AP3M1: variants seen among roughly 807,000 people sequenced by gnomAD.
AP3M1 encodes AP-3 complex subunit mu-1.
Under a neutral mutation model 42.6 loss-of-function variants are expected in AP3M1, and 29 were observed. That is an observed-to-expected ratio of 0.68 (90% CI 0.51 to 0.93). The LOEUF (loss-of-function observed/expected upper bound fraction) is 0.93. Ranked by LOEUF, AP3M1 falls within the 40% of genes least tolerant of loss-of-function variation. The pLI is 0.00. For synonymous variants in AP3M1, 178 were observed against 175.3 expected (o/e 1.02, Z -0.12); for missense variants, 416 against 510.2 (o/e 0.82, Z 1.78).
At position 74,134,164 on chromosome 10, in the gene AP3M1, C is replaced by A. The variant is rs1381945010; in HGVS notation, c.446G>T (p.Gly149Val). 5 of 1,610,198 alleles carry A rather than the reference C, an allele frequency of 3.1e-6. No individual in the cohort carries two copies. The South Asian group carries it at 4.4e-5, about 14-fold the overall frequency. The change falls in exon 4 of 9, where the codon GGC becomes GTC. Residue 149 changes from glycine to valine, a missense_variant and splice_region_variant. Gly to Val is a moderately radical substitution (Grantham distance 109). Transcript: ENST00000355264. ...GAGTGTGTCCCCAACATTACTACTG[C>A]CTAGAAACCAAAAAAGGAGAAGGCA... Reference protein sequence around the residue: ...ILRSVVNSITGSSNVGDTLPT... With the variant: ...ILRSVVNSITVSSNVGDTLPT...
rs139251573 is a variant in AP3M1 at position 74,123,549 on chromosome 10, G to A, written c.*261C>T. 8.6e-4 allele frequency: 428 copies of A among 496,416 alleles called. 2 individuals are homozygous for A. The highest frequency in any genetic ancestry group is 7.7e-3 in the African/African-American group (392 of 51,200). The allele number at this position is 496,416 out of a possible 1,614,324, so 30.8% of individuals were successfully genotyped here. On this transcript the variant is annotated 3_prime_UTR_variant, in exon 9 of 9. Transcript: ENST00000355264. Reference sequence around the variant, plus strand: ...CTGTTACAATGTGCAGCCGCCAGATGGTATCCTCCTATGGAAAAAAATCAC... The same window carrying A: ...CTGTTACAATGTGCAGCCGCCAGATAGTATCCTCCTATGGAAAAAAATCAC...
At chr10:74,126,988 A>G (rs938305005) in intron 6 of AP3M1, among the ~76,000 whole-genome samples, 3 of 149,518 alleles carry the variant, frequency 2.0e-5, no homozygotes, top group African/African-American at 7.3e-5. Context: ...AAAAAAAAAA[A>G]AAAAAAAAAA....
chr10:74,137,181 G>A (rs1256536402), intron 2 of AP3M1, among the ~76,000 whole-genome samples: 2 of 151,958 alleles, frequency 1.3e-5, no homozygotes, highest in African/African-American at 2.4e-5. Context: ...CGGAGGTTGC[G>A]GTGAGCCAAG....
chr10:74,140,644 T>A (rs1008120742), intron 1 of AP3M1, among the ~76,000 whole-genome samples: 1 of 151,538 alleles, frequency 6.6e-6, no homozygotes, highest in Non-Finnish European at 1.5e-5. Flanking sequence ...GGATAACTCG[T>A]GCTTCCTGAT....
chr10:74,125,595 A>C (rs1461123379), intron 7 of AP3M1, among the ~76,000 whole-genome samples: 2 of 152,240 alleles, frequency 1.3e-5, no homozygotes, highest in Non-Finnish European at 2.9e-5. Context: ...CTGCTATTGA[A>C]AACAATCATA....
At chr10:74,128,534 C>T (rs1236677988) in intron 6 of AP3M1, among the ~76,000 whole-genome samples, 3 of 152,046 alleles carry the variant, frequency 2.0e-5, no homozygotes. Context: ...CCACTGCACC[C>T]GGCCCCTCAA....
chr10:74,144,687 G>A (rs553357902), intron 1 of AP3M1, among the ~76,000 whole-genome samples: 1 of 150,054 alleles, frequency 6.7e-6, no homozygotes, highest in Non-Finnish European at 1.5e-5. Flanking sequence ...TTTTGAGACG[G>A]AGTCTTGCTC....
chr10:74,123,877 T>C lies in AP3M1; in HGVS notation c.1190A>G (p.Glu397Gly). 1 of 1,614,114 alleles carries C rather than the reference T, an allele frequency of 6.2e-7. No individual in the cohort carries two copies. The highest frequency in any genetic ancestry group is 8.5e-7 in the Non-Finnish European group (1 of 1,180,002). ...LKVNRLDMYGEKYKPFKGVKY... is the reference protein window; with the variant it reads ...LKVNRLDMYGGKYKPFKGVKY... ...GACTCCTTTAAATGGCTTATATTTC[T>C]CCCCATACATGTCCAAACGGTTTAC... The change falls in exon 9 of 9, where the codon GAG (glutamate) becomes GGG (glycine). Residue 397 changes from glutamate (E) to glycine (G), a missense_variant. Physicochemically the swap from Glu to Gly is moderately conservative, Grantham distance 98. Coordinates refer to ENST00000355264, the MANE Select transcript of AP3M1 (RefSeq NM_012095.6).
chr10:74,126,107 T>G (rs763515579), intron 7 of AP3M1, 41 bp downstream of exon 7: 3 of 1,598,962 alleles, frequency 1.9e-6, no homozygotes, highest in South Asian at 2.2e-5. Flanking sequence ...CAAAATAGAT[T>G]GCAGAAACAC....
Position 74,126,341 on chromosome 10 carries a change from G to A in AP3M1, c.818C>T (p.Pro273Leu), listed in dbSNP as rs1564543317. Reference protein sequence around the residue: ...RVSSQNLVAIPVYVKHSISFK... With the variant: ...RVSSQNLVAILVYVKHSISFK... ...GCTGATACTATGTTTCACATACACT[G>A]GTATTGCCACTAGACTAAAAAGAGA... Residue 273 changes from proline to leucine, a missense_variant, in exon 7 of 9, where the codon CCA becomes CTA. Pro to Leu is a moderately conservative substitution (Grantham distance 98). Transcript: ENST00000355264. 1 of 1,613,658 alleles carries A rather than the reference G, an allele frequency of 6.2e-7. No individual in the cohort carries two copies. The highest frequency in any genetic ancestry group is 8.5e-7 in the Non-Finnish European group (1 of 1,179,668).
In AP3M1 at chr10:74,138,236, G is replaced by A. The variant is rs1324628930; in HGVS notation, c.144C>T (p.Val48=). 1.2e-6 allele frequency: 2 copies of A among 1,614,148 alleles called. No individual in the cohort carries two copies. Among genetic ancestry groups the A allele is most frequent in the African/African-American group, 2.7e-5 (2 of 75,046 alleles). The change falls in exon 2 of 9, where the codon GTC becomes GTT. Residue 48 remains valine, a synonymous_variant. Coordinates refer to ENST00000355264, the MANE Select transcript of AP3M1 (RefSeq NM_012095.6). The part of the protein sequence containing the change: ...KAADVENVPP[V]ISTPHHYLIS... ...TGAGGTAGTGGTGAGGTGTTGAAAT[G>A]ACAGGTGGTACATTTTCAACATCAG...
intron 7 of AP3M1, among the ~76,000 whole-genome samples, chr10:74,124,926 T>A (rs981694740): frequency 6.6e-6 from 1 of 152,318 alleles, no homozygotes; most frequent in Non-Finnish European, 1.5e-5. Context: ...CCTAAGGCCC[T>A]CTGATTTCAA....
intron 4 of AP3M1, 36 bp downstream of exon 4, chr10:74,133,990 TG>T: frequency 6.2e-7 from 1 of 1,609,102 alleles, no homozygotes. Flanking sequence ...TCAGATGAAT[TG>T]TTTTTCCCCA....
chr10:74,147,030 C>T (rs1447580010), intron 1 of AP3M1, among the ~76,000 whole-genome samples: 1 of 152,158 alleles, frequency 6.6e-6, no homozygotes, highest in African/African-American at 2.4e-5. Context: ...CACCTATAAT[C>T]CCAGCACTTT....
intron 2 of AP3M1, among the ~76,000 whole-genome samples, chr10:74,137,571 G>T (rs1255640814): frequency 6.6e-6 from 1 of 152,196 alleles, no homozygotes; most frequent in African/African-American, 2.4e-5. Flanking sequence ...GTTTCCTGAT[G>T]ATATACAGTC....
rs199607460 is a variant in AP3M1 at position 74,129,952 on chromosome 10, A to C, written c.624T>G (p.Ala208=). ...CAGGCATTCCAGATAGTTTAATGCA[A>C]GCATCAATGACCCCCTGAATTTCTG... The part of the protein sequence containing the change: ...VFAEIQGVID[A]CIKLSGMPDL... Residue 208 remains alanine (A), a synonymous_variant, in exon 5 of 9, where the codon GCT becomes GCG. Transcript: ENST00000355264. 5 of 1,613,690 alleles carry C rather than the reference A, an allele frequency of 3.1e-6. No homozygotes were observed. Among genetic ancestry groups the C allele is most frequent in the Non-Finnish European group, 4.2e-6 (5 of 1,179,878 alleles).
rs746377295 is a variant in AP3M1, at chr10:74,129,113, T to C, written c.798A>G (p.Ser266=). The C allele has an allele frequency of 3.7e-5, 59 of 1,613,862 alleles. No individual in the cohort carries two copies. In the East Asian group the frequency reaches 1.1e-3, roughly 29 times the overall value. The change falls in exon 6 of 9, where the codon TCA becomes TCG. Residue 266 remains serine, a synonymous_variant. Coordinates refer to ENST00000355264, the MANE Select transcript of AP3M1 (RefSeq NM_012095.6). The part of the protein sequence containing the change: ...NFRLISYRVS[S]QNLVAIPVYV... The stretch of plus-strand genomic sequence containing the variant: ...TGGCTGATGCATCAACATACTTTTG[T>C]GAGCTGACACGGTATGATATGAGTC...
rs1270038647 is a variant in AP3M1, at chr10:74,126,157, T to C, written c.1002A>G (p.Pro334=). The C allele has an allele frequency of 6.2e-7, 1 of 1,614,222 alleles. No homozygotes were observed. The highest frequency in any genetic ancestry group is 2.2e-5 in the East Asian group (1 of 44,890). ...TPTQGSYTFD[P]VTKVLTWDVG... ...TTTGAAGTGGCTGTACCTTGGTGAC[T>C]GGATCAAATGTATAGCTGCCTTGTG... The change falls in exon 7 of 9, where the codon CCA becomes CCG. Residue 334 remains proline (P), a synonymous_variant. Transcript: ENST00000355264.
chr10:74,127,273 A>C (rs1326420120), intron 6 of AP3M1, among the ~76,000 whole-genome samples: 1 of 152,164 alleles, frequency 6.6e-6, no homozygotes, highest in South Asian at 2.1e-4. Flanking sequence ...AGCTGAGTAC[A>C]GCATAATGTT....
Sources: gnomAD v4.1 joint callset for allele counts (sites outside exome capture counted in the v4.1 genomes callset) on GRCh38, gnomAD v4.1.1 for gene constraint, MANE v1.5 for transcripts, NCBI Gene and HGNC (gene_info 2026-07-23, HGNC 2026-07-21) for gene names.